The following NRP1 variants were observed in gnomAD, a reference collection of about 807,000 sequenced individuals.
NRP1 encodes the protein neuropilin 1, also known as neuropilin-1.
NRP1 carries 35 observed loss-of-function variants against 106.7 expected under a neutral mutation model. The ratio of observed to expected loss-of-function variants is 0.33; its 90% confidence interval spans 0.25 to 0.43. The LOEUF is 0.43. Among genes scored for constraint, NRP1 ranks in the 20% least tolerant of loss-of-function variants. The pLI is 1.00. For synonymous variants in NRP1, 437 were observed against 417.9 expected (o/e 1.05, Z -0.56); for missense variants, 1,024 against 1,170.4 (o/e 0.87, Z 1.83).
chr10:33,242,898 G>T (rs1415479565), intron 6 of NRP1, among the ~76,000 whole-genome samples: 1 of 152,050 alleles, frequency 6.6e-6, no homozygotes, highest in African/African-American at 2.4e-5. Context: ...TCTTCTTTCT[G>T]GGTTAGTATT....
intron 11 of NRP1, chr10:33,202,551 G>A (rs1358399414): frequency 3.6e-6 from 5 of 1,397,472 alleles, no homozygotes; most frequent in South Asian, 3.1e-5. Flanking sequence ...TTACGTAGGG[G>A]TGGTGCACGT....
At chr10:33,288,272 T>TC (rs1844727765) in intron 2 of NRP1, 1 of 152,176 alleles carries the variant, frequency 6.6e-6, no homozygotes, top group African/African-American at 2.4e-5. Flanking sequence ...GTTACTATTC[T>TC]TGGGATAGTG....
At chr10:33,323,505 G>A (rs540274541) in intron 2 of NRP1, among the ~76,000 whole-genome samples, 38 of 152,020 alleles carry the variant, frequency 2.5e-4, no homozygotes, top group Non-Finnish European at 4.1e-4. Flanking sequence ...GAATGAATGT[G>A]CTTCACTTCC....
intron 2 of NRP1, among the ~76,000 whole-genome samples, chr10:33,324,423 G>T (rs1358603742): frequency 2.0e-5 from 3 of 152,150 alleles, no homozygotes; most frequent in African/African-American, 7.2e-5. Context: ...CGGCAAAGGA[G>T]AATGTTTCTG....
chr10:33,267,999 A>G (rs180726291), intron 3 of NRP1, among the ~76,000 whole-genome samples: 1 of 152,250 alleles, frequency 6.6e-6, no homozygotes, highest in Admixed American at 6.5e-5. Flanking sequence ...TTAAACTATG[A>G]TTAGTGTAAT....
rs374167006 is a variant in NRP1 at position 33,257,499 on chromosome 10, T to TG, written c.659-1029dup. 7.6e-4 allele frequency among the ~76,000 whole-genome samples: 116 copies of TG among 152,274 alleles called. 1 individual carries two copies. Among genetic ancestry groups the TG allele is most frequent in the African/African-American group, 2.5e-3 (105 of 41,548 alleles). On this transcript the variant is annotated intron_variant, in intron 4 of 16. Coordinates refer to ENST00000374867, the MANE Select transcript of NRP1 (RefSeq NM_003873.7). ...TAAAACTACAAAGATTAGCCAGGCGTGGTGGGCAGTGCCTGTAATCCCAGC... is the reference window on the plus strand; with the variant it reads ...TAAAACTACAAAGATTAGCCAGGCGTGGGTGGGCAGTGCCTGTAATCCCAGC...
intron 5 of NRP1, 52 bp from the exon 6 acceptor site, chr10:33,254,246 G>T: frequency 2.0e-6 from 3 of 1,497,168 alleles, no homozygotes; most frequent in African/African-American, 1.4e-5. Context: ...GATTTAAGAT[G>T]CATTTTTCTT....
intron 1 of NRP1, among the ~76,000 whole-genome samples, chr10:33,333,013 G>C (rs1848394414): frequency 6.6e-6 from 1 of 152,124 alleles, no homozygotes; most frequent in Admixed American, 6.5e-5. Flanking sequence ...AGTTGTGGAG[G>C]ACAGGGTTAC....
intron 10 of NRP1, among the ~76,000 whole-genome samples, chr10:33,204,374 T>C (rs2269107): frequency 5.2e-4 from 79 of 152,236 alleles, no homozygotes; most frequent in Non-Finnish European, 9.3e-4. Flanking sequence ...ATAACATACA[T>C]GCCACTCAGG....
intron 10 of NRP1, among the ~76,000 whole-genome samples, chr10:33,206,945 A>T (rs1837835388): frequency 6.6e-6 from 1 of 152,350 alleles, no homozygotes; most frequent in Non-Finnish European, 1.5e-5. Flanking sequence ...ACTTTCAGAC[A>T]CGTTGTCTCA....
At chr10:33,233,347 C>T (rs1383553959) in intron 6 of NRP1, among the ~76,000 whole-genome samples, 1 of 152,018 alleles carries the variant, frequency 6.6e-6, no homozygotes, top group Non-Finnish European at 1.5e-5. Flanking sequence ...ACCATATGGC[C>T]ATGGTATTGT....
intron 6 of NRP1, among the ~76,000 whole-genome samples, chr10:33,231,036 T>G (rs957329784): frequency 6.6e-6 from 1 of 152,208 alleles, no homozygotes; most frequent in Non-Finnish European, 1.5e-5. Context: ...CCAGCCATAT[T>G]ATAATATTCG....
At position 33,261,991 on chromosome 10, in the gene NRP1, C is replaced by A. The variant is rs1179410676; in HGVS notation, c.658+1655G>T. On this transcript the variant is annotated intron_variant, in intron 4 of 16. Transcript: ENST00000374867. Reference sequence around the variant, plus strand: ...CCTCAGGTGATCCACCTGCCTTGGCCTCCCAAAGTGTTGGGATTACAGGTA... The same window carrying A: ...CCTCAGGTGATCCACCTGCCTTGGCATCCCAAAGTGTTGGGATTACAGGTA... Among the ~76,000 whole-genome samples, 11 of 152,216 alleles carry A rather than the reference C, an allele frequency of 7.2e-5. 1 individual carries two copies. Among genetic ancestry groups the A allele is most frequent in the Admixed American group, 7.2e-4 (11 of 15,286 alleles).
At chr10:33,273,100 G>T in intron 2 of NRP1, among the ~76,000 whole-genome samples, 1 of 115,720 alleles carries the variant, frequency 8.6e-6, no homozygotes, top group Non-Finnish European at 1.7e-5. Flanking sequence ...GTGAGTGGGG[G>T]GTGGGGGGTG....
chr10:33,332,747 G>T (rs1165976162), intron 1 of NRP1, among the ~76,000 whole-genome samples: 7 of 152,186 alleles, frequency 4.6e-5, no homozygotes, highest in Non-Finnish European at 1.0e-4. Context: ...GCTTTGAGAG[G>T]TCTGCTGAGT....
chr10:33,241,122 A>G (rs2269088), intron 6 of NRP1, among the ~76,000 whole-genome samples: 18,687 of 152,246 alleles, frequency 0.12, 1,498 homozygotes, highest in Admixed American at 0.23. Context: ...AGCAAAGGCC[A>G]GCCTAGGGCA....
chr10:33,256,206 C>T, intron 5 of NRP1, 110 bp downstream of exon 5: 2 of 1,012,854 alleles, frequency 2.0e-6, no homozygotes, highest in Non-Finnish European at 2.9e-6. Context: ...AGACAGCTGG[C>T]ACCCCAGTTC....
At chr10:33,324,437 T>TTTCAAA (rs1847743903) in intron 2 of NRP1, among the ~76,000 whole-genome samples, 1 of 152,216 alleles carries the variant, frequency 6.6e-6, no homozygotes, top group South Asian at 2.1e-4. Context: ...GTTTCTGAAT[T>TTTCAAA]TGCTTGCACA....
chr10:33,291,046 C>A (rs180911416), intron 2 of NRP1, among the ~76,000 whole-genome samples: 1 of 152,264 alleles, frequency 6.6e-6, no homozygotes. Flanking sequence ...GCCAATAGCA[C>A]TTTTAGGAGG....
Sources: gnomAD v4.1 joint callset for allele counts (sites outside exome capture counted in the v4.1 genomes callset) on GRCh38, gnomAD v4.1.1 for gene constraint, MANE v1.5 for transcripts, NCBI Gene and HGNC (gene_info 2026-07-23, HGNC 2026-07-21) for gene names.